The following SLC15A2 variants were observed in gnomAD, a reference collection of about 807,000 sequenced individuals.
SLC15A2 encodes the protein kidney H(+)/peptide cotransporter.
In SLC15A2, 77 loss-of-function variants were observed where a neutral mutation model predicts 95.5. The observed-to-expected ratio is 0.81, with a 90% CI of 0.67 to 0.97. SLC15A2 has a LOEUF of 0.97. Among genes scored for constraint, SLC15A2 ranks in the 50% least tolerant of loss-of-function variants. SLC15A2 has a pLI of 0.00. For missense variants in SLC15A2, 893 were observed against 874.4 expected (o/e 1.02, Z -0.27); for synonymous variants, 306 against 306.9 (o/e 1.00, Z 0.03).
At chr3:121,921,823 G>A (rs1022793407) in intron 7 of SLC15A2, among the ~76,000 whole-genome samples, 10 of 152,144 alleles carry the variant, frequency 6.6e-5, no homozygotes, top group South Asian at 2.1e-4. Context: ...TAGGCAATAC[G>A]TTAAAGAAAG....
intron 17 of SLC15A2, among the ~76,000 whole-genome samples, chr3:121,930,343 C>T (rs747320722): frequency 2.5e-4 from 38 of 152,198 alleles, no homozygotes; most frequent in Admixed American, 9.8e-4. Context: ...TAATAACCTA[C>T]TCTGGGCTGG....
At chr3:121,906,257 C>A (rs1427952199) in intron 3 of SLC15A2, among the ~76,000 whole-genome samples, 3 of 152,182 alleles carry the variant, frequency 2.0e-5, no homozygotes, top group African/African-American at 7.2e-5. Flanking sequence ...TGTGTCTCTG[C>A]ACATGAGATG....
At chr3:121,938,139 C>T (rs1441807887) in intron 19 of SLC15A2, among the ~76,000 whole-genome samples, 15 of 151,446 alleles carry the variant, frequency 9.9e-5, no homozygotes, top group Non-Finnish European at 2.1e-4. Context: ...TCTCCAGCTG[C>T]ATGCTGGGAG....
chr3:121,898,933 C>T (rs1209147992), intron 3 of SLC15A2, among the ~76,000 whole-genome samples: 1 of 152,046 alleles, frequency 6.6e-6, no homozygotes, highest in African/African-American at 2.4e-5. Flanking sequence ...AGTTTCTTGA[C>T]TTGGGAGAGG....
intron 7 of SLC15A2, among the ~76,000 whole-genome samples, chr3:121,917,552 A>T (rs1228860221): frequency 6.6e-6 from 1 of 152,042 alleles, no homozygotes; most frequent in Non-Finnish European, 1.5e-5. Flanking sequence ...GCCGAGTATG[A>T]TGGCGCACAC....
At chr3:121,929,451 C>T (rs1376172654) in intron 17 of SLC15A2, 103 bp downstream of exon 17, 51 of 1,252,952 alleles carry the variant, frequency 4.1e-5, no homozygotes, top group Non-Finnish European at 5.7e-5. Flanking sequence ...GGAATTCCCT[C>T]TCGTAGAATG....
chr3:121,929,410 C>A (rs1710187035), intron 17 of SLC15A2, 62 bp downstream of exon 17: 1 of 1,535,774 alleles, frequency 6.5e-7, no homozygotes, highest in Non-Finnish European at 9.0e-7. Flanking sequence ...CTCTTCTAAT[C>A]TTTGGGGCTG....
At chr3:121,924,164 G>A (rs1479179888) in intron 11 of SLC15A2, among the ~76,000 whole-genome samples, 187 bp from the exon 12 acceptor site, 1 of 152,182 alleles carries the variant, frequency 6.6e-6, no homozygotes, top group South Asian at 2.1e-4. Flanking sequence ...ATAGCCAGAA[G>A]CTTTCCCAAG....
rs1219225244 is a variant in SLC15A2, at chr3:121,915,307, C to T, written c.609C>T (p.Pro203=). 1 of 1,601,688 alleles carries T rather than the reference C, an allele frequency of 6.2e-7. No homozygotes were observed. Among genetic ancestry groups the T allele is most frequent in the Admixed American group, 1.7e-5 (1 of 59,296 alleles). Reference sequence around the variant, plus strand: ...GCTTGATTTCTACATTTATCACACCCATGCTGAGAGGTTAGGATTTTTTTG... The same window carrying T: ...GCTTGATTTCTACATTTATCACACCTATGCTGAGAGGTTAGGATTTTTTTG... ...AGSLISTFIT[P]MLRGDVQCFG... Residue 203 remains proline, a synonymous_variant, in exon 6 of 22, where the codon CCC becomes CCT. Coordinates refer to ENST00000489711, the MANE Select transcript of SLC15A2 (RefSeq NM_021082.4).
intron 19 of SLC15A2, 175 bp from the exon 20 acceptor site, chr3:121,939,174 A>G (rs551587899): frequency 1.1e-4 from 48 of 432,214 alleles, no homozygotes; most frequent in African/African-American, 9.6e-4. Flanking sequence ...GAGTGAGCAT[A>G]ATATTACGAA....
intron 19 of SLC15A2, among the ~76,000 whole-genome samples, chr3:121,933,029 G>C (rs1385064320): frequency 6.7e-6 from 1 of 150,172 alleles, no homozygotes; most frequent in South Asian, 2.1e-4. Context: ...TTTTGTTCTT[G>C]CGATAGTTTA....
rs1480158064 is a variant in SLC15A2 at position 121,939,477 on chromosome 3, T to C, written c.1890T>C (p.Leu630=). 6.6e-7 allele frequency: 1 copy of C among 1,504,950 alleles called. No homozygotes were observed. The highest frequency in any genetic ancestry group is 8.9e-7 in the Non-Finnish European group (1 of 1,127,550). 93.2% of individuals were successfully genotyped at this position (1,504,950 alleles called of 1,614,324 possible). A position where few individuals can be genotyped will look rare whatever the true frequency, so the allele number is the denominator to read the frequency against. Residue 630 remains leucine, a synonymous_variant, in exon 20 of 22, where the codon CTT becomes CTC. Coordinates refer to ENST00000489711, the MANE Select transcript of SLC15A2 (RefSeq NM_021082.4). ...AGEVMFSVTG[L]EFSYSQAPSS... is the part of the protein sequence containing the mutation. The stretch of plus-strand genomic sequence containing the variant: ...AGGTCATGTTCTCTGTCACAGGTCT[T>C]GAGTTTTCTTATTCTCAGGTAAGTT...
chr3:121,923,397 A>G, intron 11 of SLC15A2, 131 bp downstream of exon 11: 1 of 840,352 alleles, frequency 1.2e-6, no homozygotes, highest in South Asian at 1.7e-5. Context: ...GCCTGAAGGT[A>G]CCGTGTAGGC....
chr3:121,924,510 G>C (rs1223599404), intron 12 of SLC15A2, 127 bp downstream of exon 12: 4 of 875,724 alleles, frequency 4.6e-6, no homozygotes, highest in Admixed American at 2.1e-5. Context: ...GCCAAGCTTC[G>C]ACATGAAAAC....
intron 12 of SLC15A2, 115 bp downstream of exon 12, chr3:121,924,498 G>C (rs1710072818): frequency 2.1e-6 from 2 of 938,782 alleles, no homozygotes; most frequent in Admixed American, 2.0e-5. Flanking sequence ...ACGCTGATAA[G>C]GGCCAAGCTT....
intron 20 of SLC15A2, 23 bp downstream of exon 20, chr3:121,939,518 T>C: frequency 2.7e-6 from 4 of 1,476,250 alleles, no homozygotes; most frequent in Non-Finnish European, 3.6e-6. Context: ...AAATAGAAGG[T>C]AGAAATTGAG....
intron 12 of SLC15A2, among the ~76,000 whole-genome samples, chr3:121,924,631 A>C (rs1356112537): frequency 6.6e-6 from 1 of 152,192 alleles, no homozygotes; most frequent in African/African-American, 2.4e-5. Flanking sequence ...GTATAATCAA[A>C]ATCTTGTAAA....
Position 121,929,101 on chromosome 3 carries a change from C to T in SLC15A2, c.1461C>T (p.Tyr487=). 6.2e-7 allele frequency: 1 copy of T among 1,613,926 alleles called. No individual in the cohort carries two copies. Among genetic ancestry groups the T allele is most frequent in the Middle Eastern group, 1.6e-4 (1 of 6,062 alleles). Reference sequence around the variant, plus strand: ...ATTCTGTGCAGGAGAAGAACTGGTACAGTCTTGTCATTCGTGAAGATGGGA... The same window carrying T: ...ATTCTGTGCAGGAGAAGAACTGGTATAGTCTTGTCATTCGTGAAGATGGGA... ...TEHSVQEKNW[Y]SLVIREDGNS... Residue 487 remains tyrosine (Y), a synonymous_variant, in exon 16 of 22, where the codon TAC becomes TAT. Coordinates refer to ENST00000489711, the MANE Select transcript of SLC15A2 (RefSeq NM_021082.4).
chr3:121,937,978 C>G (rs1710381392), intron 19 of SLC15A2, among the ~76,000 whole-genome samples: 1 of 151,676 alleles, frequency 6.6e-6, no homozygotes, highest in South Asian at 2.1e-4. Context: ...AGTTTTCCTT[C>G]TAACAGACAG....
Sources: allele counts gnomAD v4.1 joint callset (sites outside exome capture counted in the v4.1 genomes callset), GRCh38; gene constraint gnomAD v4.1.1; transcripts MANE v1.5; gene names NCBI Gene and HGNC (gene_info 2026-07-23, HGNC 2026-07-21).